Variants in RAD51C observed in about 807,000 individuals in gnomAD.
RAD51C encodes RAD51 paralog C, also known as DNA repair protein RAD51 homolog 3.
RAD51C carries 42 observed loss-of-function variants against 45.0 expected under a neutral mutation model. The ratio of observed to expected loss-of-function variants is 0.93; its 90% CI spans 0.73 to 1.21. RAD51C has a LOEUF of 1.21. Ranked by LOEUF, RAD51C falls within the 50% of genes most tolerant of loss-of-function variation. The probability of loss-of-function intolerance (pLI) is 0.00; values close to 1 mark genes in which losing one functional copy is unlikely to be tolerated. For synonymous variants in RAD51C, 172 were observed against 159.8 expected (o/e 1.08, Z -0.58); for missense variants, 474 against 452.2 (o/e 1.05, Z -0.44).
chr17:58,705,364 G>A (rs1035600859), intron 4 of RAD51C, among the ~76,000 whole-genome samples: 21 of 150,138 alleles, frequency 1.4e-4, no homozygotes, highest in Admixed American at 8.0e-4. Context: ...GTGGAGTTTC[G>A]CTTTTGTCAC....
chr17:58,718,804 C>T (rs1292485753), intron 5 of RAD51C, among the ~76,000 whole-genome samples: 1 of 151,378 alleles, frequency 6.6e-6, no homozygotes, highest in Non-Finnish European at 1.5e-5. Context: ...TTCTTTTTTT[C>T]CTATAAAATT....
intron 7 of RAD51C, among the ~76,000 whole-genome samples, chr17:58,732,041 C>G (rs538009037): frequency 2.0e-5 from 3 of 152,026 alleles, no homozygotes; most frequent in Non-Finnish European, 4.4e-5. Context: ...AGCAAGCAAC[C>G]TTTACCTTGT....
chr17:58,712,661 A>G (rs1379060849), intron 5 of RAD51C, among the ~76,000 whole-genome samples: 2 of 151,110 alleles, frequency 1.3e-5, no homozygotes, highest in Non-Finnish European at 2.9e-5. Flanking sequence ...TCTACTAAAA[A>G]TACAAAAAAG....
intron 4 of RAD51C, among the ~76,000 whole-genome samples, chr17:58,707,640 A>C (rs1482587273): frequency 6.6e-6 from 1 of 152,084 alleles, no homozygotes. Context: ...CATTTTAGGT[A>C]TTTGTTATAG....
At chr17:58,709,554 T>G (rs1013328442) in intron 4 of RAD51C, 13 of 238,112 alleles carry the variant, frequency 5.5e-5, no homozygotes, top group Non-Finnish European at 1.1e-4. Context: ...TGGACTATGG[T>G]TTTTCCAATG....
chr17:58,728,195 A>C (rs1183814598), intron 7 of RAD51C, among the ~76,000 whole-genome samples: 1 of 151,382 alleles, frequency 6.6e-6, no homozygotes, highest in East Asian at 2.0e-4. Context: ...CAGTGAGCCA[A>C]GATTGCACCA....
chr17:58,711,618 G>A lies in RAD51C; in HGVS notation c.837+1628G>A, dbSNP rs552808839. Among the ~76,000 whole-genome samples, 4 of 151,668 alleles carry A rather than the reference G, an allele frequency of 2.6e-5. No homozygotes were observed. The East Asian group carries it at 7.8e-4, about 29-fold the overall frequency. On this transcript the variant is annotated intron_variant, in intron 5 of 8. Transcript: ENST00000337432. ...TGAGACTAGAGGCACATGCCACCAT[G>A]CCCGGCTAATTTTTGTATTTTTTTT...
chr17:58,707,696 T>C (rs934963051), intron 4 of RAD51C, among the ~76,000 whole-genome samples: 2 of 152,200 alleles, frequency 1.3e-5, no homozygotes, highest in African/African-American at 2.4e-5. Context: ...ACCTCATTTC[T>C]TGATACTAAA....
chr17:58,694,948 G>A lies in RAD51C; in HGVS notation c.163G>A (p.Ala55Thr), dbSNP rs1555593472. The A allele has an allele frequency of 2.5e-6, 4 of 1,613,780 alleles. No individual in the cohort carries two copies. The highest frequency in any genetic ancestry group is 2.7e-5 in the African/African-American group (2 of 75,006). ...ACTTTCAGAAGTTGGGATATCTAAA[G>A]CAGAAGCCTTAGAAACTCTGCAAAT... ...ELSKEVGISK[A>T]EALETLQIIR... The change falls in exon 2 of 9, where the codon GCA becomes ACA. Residue 55 changes from alanine to threonine, a missense_variant. Coordinates refer to ENST00000337432, the MANE Select transcript of RAD51C (RefSeq NM_058216.3).
chr17:58,722,301 G>A (rs1357201966), intron 6 of RAD51C, among the ~76,000 whole-genome samples: 4 of 152,210 alleles, frequency 2.6e-5, no homozygotes, highest in East Asian at 1.9e-4. Flanking sequence ...CTAGCAGAAC[G>A]CCCTTTACCT....
chr17:58,706,163 T>TTA (rs1206515462), intron 4 of RAD51C: 3 of 153,100 alleles, frequency 2.0e-5, no homozygotes, highest in African/African-American at 7.2e-5. Flanking sequence ...GCACGGTGGC[T>TTA]CATGCCTGTA....
At chr17:58,694,824 C>T in intron 1 of RAD51C, 107 bp from the exon 2 acceptor site, 1 of 1,073,088 alleles carries the variant, frequency 9.3e-7, no homozygotes, top group Non-Finnish European at 1.4e-6. Flanking sequence ...TATGTTTCTC[C>T]ACTCCTAGCA....
At chr17:58,695,838 G>A (rs1218804963) in intron 2 of RAD51C, among the ~76,000 whole-genome samples, 2 of 150,820 alleles carry the variant, frequency 1.3e-5, no homozygotes, top group Non-Finnish European at 3.0e-5. Flanking sequence ...AGGCTGAGGC[G>A]GGTGGATCAC....
At chr17:58,693,581 C>T (rs570109616) in intron 1 of RAD51C, 1 of 152,252 alleles carries the variant, frequency 6.6e-6, no homozygotes, top group Non-Finnish European at 1.5e-5. Flanking sequence ...TCATACCGCG[C>T]GCAGACTGTG....
intron 4 of RAD51C, 151 bp downstream of exon 4, chr17:58,703,480 TA>T: frequency 1.3e-6 from 1 of 779,872 alleles, no homozygotes. Context: ...TATTTATATT[TA>T]TATTTGTTTT....
chr17:58,698,627 C>T (rs1181431264), intron 3 of RAD51C, among the ~76,000 whole-genome samples: 1 of 151,574 alleles, frequency 6.6e-6, no homozygotes, highest in East Asian at 2.0e-4. Context: ...CCACGCCCAG[C>T]CTTAAACAGT....
chr17:58,713,933 C>G (rs2048642154), intron 5 of RAD51C, among the ~76,000 whole-genome samples: 1 of 152,034 alleles, frequency 6.6e-6, no homozygotes, highest in South Asian at 2.1e-4. Flanking sequence ...AGCCACTGTG[C>G]CCACCCTGTA....
intron 5 of RAD51C, among the ~76,000 whole-genome samples, chr17:58,719,684 A>T (rs955927619): frequency 6.6e-6 from 1 of 151,958 alleles, no homozygotes; most frequent in African/African-American, 2.4e-5. Flanking sequence ...TGATCAGTAG[A>T]ATCATATTTT....
At chr17:58,706,614 AGT>A (rs1567797056) in intron 4 of RAD51C, 1 of 402,102 alleles carries the variant, frequency 2.5e-6, no homozygotes, top group Admixed American at 3.2e-5. Flanking sequence ...TTATGGTAAG[AGT>A]GACAGCTCTG....
Sources: allele counts gnomAD v4.1 joint callset (sites outside exome capture counted in the v4.1 genomes callset), GRCh38; gene constraint gnomAD v4.1.1; transcripts MANE v1.5; gene names NCBI Gene and HGNC (gene_info 2026-07-23, HGNC 2026-07-21).